NELL1: variants seen among roughly 807,000 people sequenced by gnomAD.
NELL1 encodes the protein neural EGFL like 1.
In NELL1, 76 loss-of-function variants were observed where a neutral mutation model predicts 107.4. The observed-to-expected ratio is 0.71, with a 90% CI of 0.59 to 0.86. The LOEUF (loss-of-function observed/expected upper bound fraction) is 0.86. Ranked by LOEUF, NELL1 falls within the 40% of genes least tolerant of loss-of-function variation. NELL1 has a pLI of 0.00. For missense variants in NELL1, 1,024 were observed against 1,005.5 expected (o/e 1.02, Z -0.25); for synonymous variants, 353 against 341.2 (o/e 1.03, Z -0.38).
chr11:21,548,411 C>T (rs1181830572), intron 16 of NELL1, among the ~76,000 whole-genome samples: 1 of 151,818 alleles, frequency 6.6e-6, no homozygotes, highest in African/African-American at 2.4e-5. Context: ...TAATGGAGAA[C>T]TCACAGTTCC....
chr11:20,690,359 T>C (rs1055425087), intron 2 of NELL1, among the ~76,000 whole-genome samples: 1 of 152,260 alleles, frequency 6.6e-6, no homozygotes, highest in Admixed American at 6.5e-5. Flanking sequence ...TCCTTGCCCA[T>C]GCCTATGTCC....
chr11:21,063,326 G>A lies in NELL1; in HGVS notation c.1301-50263G>A, dbSNP rs146480794. Among the ~76,000 whole-genome samples, 491 of 152,160 alleles carry A rather than the reference G, an allele frequency of 3.2e-3. 2 individuals are homozygous for A. Among genetic ancestry groups the A allele is most frequent in the African/African-American group, 0.011 (438 of 41,506 alleles). On this transcript the variant is annotated intron_variant, in intron 12 of 19. Transcript: ENST00000357134. ...CAACCAGGAAGCTCTGCTGAGCTTC[G>A]GTGTCCAGAGGTTTTATTGGAGTTT...
At chr11:20,924,055 A>G (rs1318857462) in intron 7 of NELL1, among the ~76,000 whole-genome samples, 1 of 152,218 alleles carries the variant, frequency 6.6e-6, no homozygotes, top group Non-Finnish European at 1.5e-5. Flanking sequence ...CAAGAGGTAG[A>G]CAGAATAGAG....
At chr11:21,409,561 C>A (rs1852324527) in intron 15 of NELL1, among the ~76,000 whole-genome samples, 1 of 150,932 alleles carries the variant, frequency 6.6e-6, no homozygotes. Context: ...TGCACATGTA[C>A]CCTAAAACTT....
intron 7 of NELL1, among the ~76,000 whole-genome samples, chr11:20,920,615 T>G (rs1048710671): frequency 6.6e-6 from 1 of 152,118 alleles, no homozygotes. Flanking sequence ...TGGAGCAGCT[T>G]GATCTCAATA....
chr11:20,826,604 C>T (rs1015614888), intron 3 of NELL1, among the ~76,000 whole-genome samples: 2 of 151,232 alleles, frequency 1.3e-5, no homozygotes, highest in African/African-American at 4.8e-5. Flanking sequence ...GGACACTCCT[C>T]TCTGGTTAAT....
At chr11:21,073,876 TG>T (rs1854073242) in intron 12 of NELL1, among the ~76,000 whole-genome samples, 1 of 152,164 alleles carries the variant, frequency 6.6e-6, no homozygotes, top group Admixed American at 6.6e-5. Context: ...TGTTTAGAAA[TG>T]TACAAAGAGA....
At chr11:20,714,194 A>ATTTTTTTTTTTTTTT (rs34441596) in intron 2 of NELL1, among the ~76,000 whole-genome samples, 1 of 61,736 alleles carries the variant, frequency 1.6e-5, no homozygotes. Flanking sequence ...TATCTCCCCG[A>ATTTTTTTTTTTTTTT]TTTTTTTTTT....
At chr11:21,170,364 A>G (rs1196022925) in intron 13 of NELL1, among the ~76,000 whole-genome samples, 1 of 151,722 alleles carries the variant, frequency 6.6e-6, no homozygotes, top group Non-Finnish European at 1.5e-5. Flanking sequence ...AGCAGTGGCA[A>G]GTAGAGACAA....
chr11:21,198,660 C>T (rs1364669753), intron 13 of NELL1, among the ~76,000 whole-genome samples: 1 of 152,150 alleles, frequency 6.6e-6, no homozygotes, highest in African/African-American at 2.4e-5. Flanking sequence ...CATTTCCATC[C>T]CATGTTTCAC....
intron 16 of NELL1, among the ~76,000 whole-genome samples, chr11:21,550,269 A>T (rs973750028): frequency 1.3e-5 from 2 of 151,570 alleles, no homozygotes; most frequent in African/African-American, 4.8e-5. Context: ...GGTTGCAAAA[A>T]TTTTCTCCCA....
intron 12 of NELL1, among the ~76,000 whole-genome samples, chr11:21,049,599 C>T (rs1853441561): frequency 6.6e-6 from 1 of 152,144 alleles, no homozygotes; most frequent in Non-Finnish European, 1.5e-5. Context: ...TGCACATAAA[C>T]ACCTTCTTTG....
chr11:20,701,573 A>C (rs1590216540), intron 2 of NELL1, among the ~76,000 whole-genome samples: 1 of 152,220 alleles, frequency 6.6e-6, no homozygotes, highest in Admixed American at 6.5e-5. Flanking sequence ...TTAGACATGA[A>C]GTCCTTGCCC....
At chr11:20,909,007 A>G (rs1850066996) in intron 5 of NELL1, among the ~76,000 whole-genome samples, 1 of 152,208 alleles carries the variant, frequency 6.6e-6, no homozygotes. Flanking sequence ...TAAGAAAGGA[A>G]TGAAGTTCTG....
At chr11:21,469,608 T>G (rs976796503) in intron 15 of NELL1, among the ~76,000 whole-genome samples, 1 of 152,104 alleles carries the variant, frequency 6.6e-6, no homozygotes, top group Non-Finnish European at 1.5e-5. Flanking sequence ...ATTAAACTCA[T>G]TGAATTAATA....
chr11:20,913,685 A>G (rs942779008), intron 5 of NELL1, among the ~76,000 whole-genome samples: 3 of 151,638 alleles, frequency 2.0e-5, no homozygotes, highest in Non-Finnish European at 4.4e-5. Context: ...AAAAAAATCC[A>G]TTTTTCTGCC....
intron 12 of NELL1, among the ~76,000 whole-genome samples, chr11:20,987,680 A>G (rs899347504): frequency 1.6e-4 from 25 of 152,206 alleles, no homozygotes; most frequent in African/African-American, 6.0e-4. Flanking sequence ...AAATTATGGG[A>G]ACTACAGTTC....
chr11:21,451,188 AAAAAAAAAAAAAAAG>A (rs1263213803), intron 15 of NELL1, among the ~76,000 whole-genome samples: 1 of 146,140 alleles, frequency 6.8e-6, no homozygotes, highest in Non-Finnish European at 1.5e-5. Context: ...CTCCGTCTAA[AAAAAAAAAAAAAAAG>A]AAAAAAAAAA....
chr11:21,304,745 C>T (rs78357354), intron 14 of NELL1, among the ~76,000 whole-genome samples: 3,560 of 151,876 alleles, frequency 0.023, 144 homozygotes, highest in African/African-American at 0.082. Context: ...TCTGTATCAT[C>T]GACTTAATTA....
Sources: gnomAD v4.1 joint callset for allele counts (sites outside exome capture counted in the v4.1 genomes callset) on GRCh38, gnomAD v4.1.1 for gene constraint, MANE v1.5 for transcripts, NCBI Gene and HGNC (gene_info 2026-07-23, HGNC 2026-07-21) for gene names.